SIK3: variants seen among roughly 807,000 people sequenced by gnomAD.
SIK3 encodes SIK family kinase 3.
SIK3 carries 28 observed loss-of-function variants against 144.2 expected under a neutral mutation model. The observed-to-expected ratio is 0.19, with a 90% CI of 0.14 to 0.27. The LOEUF is 0.27. SIK3 is among the 10% of genes least tolerant of loss of function. SIK3 has a pLI of 1.00. For missense variants in SIK3, 1,319 were observed against 1,776.0 expected (o/e 0.74, Z 4.62); for synonymous variants, 686 against 676.3 (o/e 1.01, Z -0.22).
At chr11:116,900,610 T>C (rs1945681643) in intron 4 of SIK3, among the ~76,000 whole-genome samples, 2 of 152,222 alleles carry the variant, frequency 1.3e-5, no homozygotes, top group Non-Finnish European at 1.5e-5. Context: ...ATCACTAGAC[T>C]ATTCACATCC....
chr11:116,958,216 A>C (rs1949215806), intron 1 of SIK3, among the ~76,000 whole-genome samples: 1 of 152,224 alleles, frequency 6.6e-6, no homozygotes, highest in Non-Finnish European at 1.5e-5. Flanking sequence ...TCAGGAAAAC[A>C]AAATTACAAA....
chr11:116,857,388 C>T (rs1943010129), intron 21 of SIK3: 2 of 185,508 alleles, frequency 1.1e-5, no homozygotes, highest in South Asian at 2.2e-4. Context: ...GATTAAATGA[C>T]AAAGTTATCG....
chr11:117,027,473 TTTGA>T (rs914225147), intron 1 of SIK3, among the ~76,000 whole-genome samples: 1 of 152,034 alleles, frequency 6.6e-6, no homozygotes, highest in Admixed American at 6.6e-5. Flanking sequence ...TGTTTGTTTG[TTTGA>T]GATGGAATTT....
chr11:117,076,014 A>G (rs568877018), intron 1 of SIK3, among the ~76,000 whole-genome samples: 1 of 151,600 alleles, frequency 6.6e-6, no homozygotes, highest in African/African-American at 2.4e-5. Context: ...ATGGCTGGCT[A>G]ATTTTTGCAT....
intron 1 of SIK3, among the ~76,000 whole-genome samples, chr11:116,960,252 A>G (rs984808796): frequency 2.0e-5 from 3 of 152,134 alleles, no homozygotes; most frequent in African/African-American, 7.2e-5. Flanking sequence ...TGGGCCAGGC[A>G]CGGTGGTTCA....
chr11:116,930,986 T>C (rs1297077233), intron 3 of SIK3, among the ~76,000 whole-genome samples: 1 of 152,018 alleles, frequency 6.6e-6, no homozygotes, highest in Non-Finnish European at 1.5e-5. Context: ...GGAAAAAAAA[T>C]GGTTCTCCTG....
At chr11:116,895,808 T>G (rs1431108983) in intron 6 of SIK3, among the ~76,000 whole-genome samples, 3 of 152,204 alleles carry the variant, frequency 2.0e-5, no homozygotes, top group Non-Finnish European at 4.4e-5. Context: ...CAAAGCCTAC[T>G]TTATCCTTGG....
intron 3 of SIK3, among the ~76,000 whole-genome samples, chr11:116,933,270 A>G (rs1947722217): frequency 6.6e-6 from 1 of 151,384 alleles, no homozygotes; most frequent in Admixed American, 6.6e-5. Flanking sequence ...CCTCCCAAGT[A>G]GCTGGGACTA....
intron 1 of SIK3, among the ~76,000 whole-genome samples, chr11:117,087,122 T>A (rs542057993): frequency 6.6e-6 from 1 of 151,880 alleles, no homozygotes; most frequent in Non-Finnish European, 1.5e-5. Flanking sequence ...CAGGAGAGAA[T>A]GATGATTTAT....
At chr11:116,854,736 A>G (rs1163567740) in intron 21 of SIK3, among the ~76,000 whole-genome samples, 1 of 152,184 alleles carries the variant, frequency 6.6e-6, no homozygotes, top group Non-Finnish European at 1.5e-5. Flanking sequence ...GACAGAAGTG[A>G]ACAGCAAATT....
intron 1 of SIK3, among the ~76,000 whole-genome samples, chr11:117,027,979 T>C (rs1393934230): frequency 6.6e-6 from 1 of 152,244 alleles, no homozygotes; most frequent in Non-Finnish European, 1.5e-5. Flanking sequence ...ATTATGCATG[T>C]GCAGCCTACA....
chr11:117,024,949 C>T (rs1352685201), intron 1 of SIK3, among the ~76,000 whole-genome samples: 2 of 151,670 alleles, frequency 1.3e-5, no homozygotes, highest in African/African-American at 2.4e-5. Context: ...CTTTAAGTAG[C>T]TATGGAATTC....
Position 117,059,603 on chromosome 11 carries a change from T to C in SIK3, c.273+38540A>G, listed in dbSNP as rs1404368345. ...AGGCTAGAAGAAAATCTTTGCAAAA[T>C]ACCTATCTGGTGAAGCACTGGTATC... On this transcript the variant is annotated intron_variant, in intron 1 of 24. Transcript: ENST00000445177. 2.0e-5 allele frequency among the ~76,000 whole-genome samples: 3 copies of C among 152,134 alleles called. 1 individual carries two copies. The highest frequency in any genetic ancestry group is 2.9e-5 in the Non-Finnish European group (2 of 68,010).
In SIK3 at chr11:117,021,928, C is replaced by CAAAAAAAAAAAAAAAA. The variant is rs71037444; in HGVS notation, c.274-64880_274-64865dup. On this transcript the variant is annotated intron_variant, in intron 1 of 24. Transcript: ENST00000445177. Reference sequence around the variant, plus strand: ...ATAGCACAGTGAGCCTCTGTCTCTACAAAAAAAAAAAAAAAAAAAAAAAAA... The same window carrying CAAAAAAAAAAAAAAAA: ...ATAGCACAGTGAGCCTCTGTCTCTACAAAAAAAAAAAAAAAAAAAAAAAAAAAAAAAAAAAAAAAAA... Among the ~76,000 whole-genome samples the CAAAAAAAAAAAAAAAA allele has an allele frequency of 3.1e-4, 18 of 58,996 alleles. 1 individual carries two copies. Among genetic ancestry groups the CAAAAAAAAAAAAAAAA allele is most frequent in the South Asian group, 1.4e-3 (2 of 1,380 alleles). 38.7% of individuals were successfully genotyped at this position (58,996 alleles called of 152,430 possible).
At chr11:116,970,544 G>A (rs1214805178) in intron 1 of SIK3, among the ~76,000 whole-genome samples, 1 of 151,988 alleles carries the variant, frequency 6.6e-6, no homozygotes, top group African/African-American at 2.4e-5. Flanking sequence ...TAAAGATGAG[G>A]TCTCACTATA....
intron 19 of SIK3, 66 bp downstream of exon 19, chr11:116,861,208 A>G (rs1943303369): frequency 2.4e-6 from 3 of 1,260,790 alleles, no homozygotes; most frequent in African/African-American, 3.0e-5. Context: ...GGTGCTCAAA[A>G]CTGAGACCAT....
chr11:117,032,446 T>G (rs2135804688), intron 1 of SIK3, among the ~76,000 whole-genome samples: 1 of 152,320 alleles, frequency 6.6e-6, no homozygotes, highest in African/African-American at 2.4e-5. Context: ...TGCATGTATT[T>G]CCATGTGTTC....
chr11:117,071,686 T>C (rs1954286198), intron 1 of SIK3, among the ~76,000 whole-genome samples: 1 of 152,110 alleles, frequency 6.6e-6, no homozygotes, highest in Admixed American at 6.6e-5. Context: ...GGTTTGATCA[T>C]GTTCACTGCA....
At chr11:116,984,692 A>AAC (rs976960356) in intron 1 of SIK3, among the ~76,000 whole-genome samples, 3 of 146,716 alleles carry the variant, frequency 2.0e-5, no homozygotes, top group Admixed American at 6.6e-5. Flanking sequence ...GAAAAAAAGC[A>AAC]ACACACACAC....
Sources: allele counts gnomAD v4.1 joint callset (sites outside exome capture counted in the v4.1 genomes callset), GRCh38; gene constraint gnomAD v4.1.1; transcripts MANE v1.5; gene names NCBI Gene and HGNC (gene_info 2026-07-23, HGNC 2026-07-21).